Variants in ACTR3C observed in about 807,000 individuals in gnomAD.
The protein encoded by ACTR3C is actin related protein 3C.
A neutral mutation model predicts 26.3 loss-of-function variants in ACTR3C; 18 were observed. The ratio of observed to expected loss-of-function variants is 0.68; its 90% CI spans 0.47 to 1.01. The LOEUF (loss-of-function observed/expected upper bound fraction) is 1.01. Among genes scored for constraint, ACTR3C ranks in the 50% least tolerant of loss-of-function variants. The pLI is 0.00. For synonymous variants in ACTR3C, 55 were observed against 94.5 expected, an observed-to-expected ratio of 0.58 and a Z score of 2.42; for missense variants, 184 against 250.7, an observed-to-expected ratio of 0.73 and a Z score of 1.80.
the ACTR3C span, among the ~76,000 whole-genome samples, chr7:150,088,679 G>T: frequency 6.6e-6 from 1 of 152,144 alleles, no homozygotes; most frequent in Non-Finnish European, 1.5e-5. Context: ...TTTTGACATT[G>T]TTATTGTTCT....
chr7:150,164,318 G>A, the ACTR3C span, among the ~76,000 whole-genome samples: 5 of 152,234 alleles, frequency 3.3e-5, no homozygotes, highest in Admixed American at 6.5e-5. Context: ...GCTGTGCAGT[G>A]ATTGGGGTGA....
chr7:150,161,148 T>A, the ACTR3C span, among the ~76,000 whole-genome samples: 5 of 148,064 alleles, frequency 3.4e-5, no homozygotes, highest in Admixed American at 6.8e-5. Flanking sequence ...TCATTCTTCC[T>A]GACATCAGAT....
the ACTR3C span, among the ~76,000 whole-genome samples, chr7:150,152,229 G>A: frequency 6.6e-6 from 1 of 152,104 alleles, no homozygotes; most frequent in Non-Finnish European, 1.5e-5. Context: ...GTTTTCAAAG[G>A]GAATGCTTCC....
the ACTR3C span, among the ~76,000 whole-genome samples, chr7:150,102,932 T>C: frequency 6.6e-6 from 1 of 152,090 alleles, no homozygotes. Flanking sequence ...GTAGTAGACG[T>C]CTAGGAGCTT....
chr7:150,077,497 G>A, the ACTR3C span, among the ~76,000 whole-genome samples: 51 of 152,202 alleles, frequency 3.4e-4, no homozygotes, highest in Admixed American at 8.5e-4. Context: ...ATCTTCACAA[G>A]GTGTCCTGGA....
At chr7:150,172,429 C>T in the ACTR3C span, among the ~76,000 whole-genome samples, 35 of 150,652 alleles carry the variant, frequency 2.3e-4, 1 homozygote, top group East Asian at 2.7e-3. Flanking sequence ...TTCACTATTA[C>T]GAGAATAGCA....
At chr7:150,228,897 TAG>T in the ACTR3C span, among the ~76,000 whole-genome samples, 41 of 149,546 alleles carry the variant, frequency 2.7e-4, no homozygotes, top group Non-Finnish European at 4.7e-4. Context: ...TATATATATA[TAG>T]AGAGAGTGTG....
At chr7:150,322,581 C>T (rs968892155) in intron 1 of ACTR3C, 10 of 152,268 alleles carry the variant, frequency 6.6e-5, no homozygotes, top group African/African-American at 2.4e-4. Flanking sequence ...GTTCCGGGAA[C>T]TGCCCACCCC....
the ACTR3C span, among the ~76,000 whole-genome samples, chr7:150,019,509 T>C: frequency 1.4e-5 from 2 of 139,830 alleles, no homozygotes; most frequent in Non-Finnish European, 3.0e-5. Flanking sequence ...GGAGAATTGC[T>C]TGAACCCGGG....
the ACTR3C span, among the ~76,000 whole-genome samples, chr7:149,999,095 G>C: frequency 2.0e-5 from 3 of 150,682 alleles, no homozygotes; most frequent in Non-Finnish European, 4.4e-5. Context: ...GCCTGAGCTA[G>C]AGTACCAGCC....
At chr7:150,148,301 A>G in the ACTR3C span, among the ~76,000 whole-genome samples, 44 of 152,074 alleles carry the variant, frequency 2.9e-4, no homozygotes, top group Admixed American at 1.4e-3. Flanking sequence ...ACGTGGTGAA[A>G]CCCTGTCTCT....
chr7:150,309,456 A>C (rs1341127307), intron 1 of ACTR3C, among the ~76,000 whole-genome samples: 1 of 152,234 alleles, frequency 6.6e-6, no homozygotes, highest in South Asian at 2.1e-4. Flanking sequence ...CTCGCCTTCA[A>C]GGTGTTCAAC....
At chr7:149,882,505 T>C in the ACTR3C span, among the ~76,000 whole-genome samples, 2 of 152,174 alleles carry the variant, frequency 1.3e-5, no homozygotes, top group Non-Finnish European at 2.9e-5. Context: ...CCATCCTTCC[T>C]TCCTGTGCAG....
At chr7:149,990,166 G>A in the ACTR3C span, among the ~76,000 whole-genome samples, 1 of 151,980 alleles carries the variant, frequency 6.6e-6, no homozygotes. Context: ...GGTTGTCAGT[G>A]AGCTCCATTG....
the ACTR3C span, among the ~76,000 whole-genome samples, chr7:149,984,255 G>A: frequency 6.6e-6 from 1 of 151,444 alleles, no homozygotes; most frequent in Non-Finnish European, 1.5e-5. Context: ...CCAGGCAGGA[G>A]TGCAGCAGCA....
the ACTR3C span, among the ~76,000 whole-genome samples, chr7:150,135,438 G>A: frequency 4.4e-4 from 67 of 151,982 alleles, no homozygotes; most frequent in African/African-American, 1.5e-3. Context: ...TGCCTAAGGA[G>A]GGACCGGAAT....
chr7:149,962,600 G>A, the ACTR3C span, among the ~76,000 whole-genome samples: 733 of 152,200 alleles, frequency 4.8e-3, 4 homozygotes, highest in African/African-American at 0.017. Flanking sequence ...ACACCTCCCT[G>A]TACAAGGAGC....
chr7:150,230,667 C>T, the ACTR3C span, among the ~76,000 whole-genome samples: 2 of 152,182 alleles, frequency 1.3e-5, no homozygotes, highest in Non-Finnish European at 2.9e-5. Context: ...ACCTTCCCAC[C>T]GCACCACCCT....
the ACTR3C span, among the ~76,000 whole-genome samples, chr7:150,205,566 A>T: frequency 7.0e-6 from 1 of 143,298 alleles, no homozygotes; most frequent in South Asian, 2.2e-4. Flanking sequence ...GAAGATTTCT[A>T]TTCACACTTT....
Sources: allele counts gnomAD v4.1 joint callset (sites outside exome capture counted in the v4.1 genomes callset), GRCh38; gene constraint gnomAD v4.1.1; transcripts MANE v1.5; gene names NCBI Gene and HGNC (gene_info 2026-07-23, HGNC 2026-07-21).